SGMS2: variants seen among roughly 807,000 people sequenced by gnomAD.
SGMS2 encodes phosphatidylcholine:ceramide cholinephosphotransferase 2.
Under a neutral mutation model 43.8 loss-of-function variants are expected in SGMS2, and 21 were observed. That is an observed-to-expected ratio of 0.48 (90% CI 0.34 to 0.69). The LOEUF (loss-of-function observed/expected upper bound fraction) is 0.69. Ranked by LOEUF, SGMS2 falls within the 30% of genes least tolerant of loss-of-function variation. SGMS2 has a pLI of 0.01. For missense variants in SGMS2, 384 were observed against 443.2 expected (o/e 0.87, Z 1.20); for synonymous variants, 167 against 160.6 (o/e 1.04, Z -0.30).
At chr4:107,874,018 C>T (rs1728732849) in intron 2 of SGMS2, 1 of 152,136 alleles carries the variant, frequency 6.6e-6, no homozygotes, top group South Asian at 2.1e-4. Flanking sequence ...AAACTCATTT[C>T]TCTCTTCTGA....
At chr4:107,903,106 T>A in intron 4 of SGMS2, 127 bp from the exon 5 acceptor site, 1 of 855,190 alleles carries the variant, frequency 1.2e-6, no homozygotes, top group Non-Finnish European at 1.9e-6. Context: ...GGATTCTTTT[T>A]GACTTTCTAG....
At chr4:107,892,322 T>C (rs1186186251) in intron 2 of SGMS2, among the ~76,000 whole-genome samples, 1 of 150,492 alleles carries the variant, frequency 6.6e-6, no homozygotes, top group African/African-American at 2.4e-5. Flanking sequence ...TTCTCTGGAA[T>C]GGGTGCTTCC....
chr4:107,867,144 A>G (rs1289485679), intron 2 of SGMS2: 1 of 152,202 alleles, frequency 6.6e-6, no homozygotes, highest in Non-Finnish European at 1.5e-5. Flanking sequence ...GGCCTCCCCA[A>G]GACTCTCTGT....
chr4:107,826,375 A>T (rs1402250286), intron 1 of SGMS2, among the ~76,000 whole-genome samples: 1 of 152,238 alleles, frequency 6.6e-6, no homozygotes, highest in African/African-American at 2.4e-5. Flanking sequence ...TTGGGAAGTG[A>T]TGTTTTCAGC....
At chr4:107,852,143 G>C (rs1299759131) in intron 1 of SGMS2, among the ~76,000 whole-genome samples, 1 of 150,646 alleles carries the variant, frequency 6.6e-6, no homozygotes, top group Non-Finnish European at 1.5e-5. Context: ...ATCTCGGCTC[G>C]CTGCAAGGTC....
chr4:107,827,857 T>A (rs1725679339), intron 1 of SGMS2, among the ~76,000 whole-genome samples: 1 of 152,052 alleles, frequency 6.6e-6, no homozygotes, highest in South Asian at 2.1e-4. Context: ...ATGTTGGTGC[T>A]CGCCTGTAGT....
At chr4:107,905,483 TCCCAGG>T (rs1160513175) in intron 5 of SGMS2, among the ~76,000 whole-genome samples, 1 of 152,170 alleles carries the variant, frequency 6.6e-6, no homozygotes, top group Non-Finnish European at 1.5e-5. Flanking sequence ...TAATACTCTG[TCCCAGG>T]CACTATTCTA....
At chr4:107,880,185 C>G (rs922159433) in intron 2 of SGMS2, among the ~76,000 whole-genome samples, 2 of 151,778 alleles carry the variant, frequency 1.3e-5, no homozygotes, top group African/African-American at 4.8e-5. Flanking sequence ...TTTTTTTTTA[C>G]CAAGCCATTC....
In SGMS2 at chr4:107,908,640, T is replaced by C; in HGVS notation, c.803T>C (p.Val268Ala). The C allele has an allele frequency of 1.2e-6, 2 of 1,614,074 alleles. No homozygotes were observed. The highest frequency in any genetic ancestry group is 1.7e-6 in the Non-Finnish European group (2 of 1,179,936). Residue 268 changes from valine to alanine, a missense_variant, in exon 6 of 7, where the codon GTA becomes GCA. Val to Ala is a moderately conservative substitution (Grantham distance 64). Transcript: ENST00000690982. ...GCTGCCGGGATCATCTGCATTCTTG[T>C]AGCACACGAACACTACACTATCGAT... ...LSAAGIICIL[V>A]AHEHYTIDVI...
chr4:107,827,967 C>T (rs150635461), intron 1 of SGMS2, among the ~76,000 whole-genome samples: 28 of 152,204 alleles, frequency 1.8e-4, no homozygotes, highest in Admixed American at 1.4e-3. Flanking sequence ...GCCTGGGTGA[C>T]AGAGCTAGAC....
At chr4:107,873,131 T>A (rs754986715) in intron 2 of SGMS2, among the ~76,000 whole-genome samples, 4 of 152,216 alleles carry the variant, frequency 2.6e-5, no homozygotes, top group Non-Finnish European at 5.9e-5. Flanking sequence ...AAAATAACTT[T>A]CCAGTGTTCC....
chr4:107,885,841 C>T (rs1435680491), intron 2 of SGMS2, among the ~76,000 whole-genome samples: 1 of 152,118 alleles, frequency 6.6e-6, no homozygotes, highest in Non-Finnish European at 1.5e-5. Flanking sequence ...TGATCACTTA[C>T]TTGACTATTG....
chr4:107,844,289 A>C (rs528104784), intron 1 of SGMS2, among the ~76,000 whole-genome samples: 1 of 151,814 alleles, frequency 6.6e-6, no homozygotes, highest in East Asian at 1.9e-4. Flanking sequence ...GGGCCACTGC[A>C]CTCCAGCCTG....
rs1732163493 is a variant in SGMS2 at position 107,912,136 on chromosome 4, A to G, written c.*1583A>G. 1 of 152,168 alleles carries G rather than the reference A, an allele frequency of 6.6e-6. No individual in the cohort carries two copies. Among genetic ancestry groups the G allele is most frequent in the Admixed American group, 6.5e-5 (1 of 15,274 alleles). The allele number at this position is 152,168 out of a possible 1,614,324, so 9.4% of individuals were successfully genotyped here. ...TTGACCTTTAAGTTGCTTGAGAAAA[A>G]CACAATGCAAATCGTTCAGAAGGGT... On this transcript the variant is annotated 3_prime_UTR_variant, in exon 7 of 7. Transcript: ENST00000690982.
chr4:107,896,303 T>C (rs1730672088), intron 3 of SGMS2, among the ~76,000 whole-genome samples: 1 of 152,196 alleles, frequency 6.6e-6, no homozygotes, highest in Non-Finnish European at 1.5e-5. Context: ...GGTGCTATGG[T>C]ATTTGTATGA....
At chr4:107,904,685 T>G (rs1230610693) in intron 5 of SGMS2, among the ~76,000 whole-genome samples, 1 of 152,194 alleles carries the variant, frequency 6.6e-6, no homozygotes, top group Non-Finnish European at 1.5e-5. Flanking sequence ...GTTCTCACAC[T>G]CTTGTGGTGG....
At chr4:107,841,965 T>A (rs1034391097) in intron 1 of SGMS2, among the ~76,000 whole-genome samples, 1 of 152,164 alleles carries the variant, frequency 6.6e-6, no homozygotes, top group Non-Finnish European at 1.5e-5. Flanking sequence ...AAAAAAATTT[T>A]TTTTTAATAT....
intron 2 of SGMS2, among the ~76,000 whole-genome samples, chr4:107,879,923 C>A (rs777739209): frequency 6.6e-6 from 1 of 152,200 alleles, no homozygotes; most frequent in Non-Finnish European, 1.5e-5. Flanking sequence ...TTCCAGCCCA[C>A]TTGCAGTCAC....
At chr4:107,830,707 A>G (rs1254125865) in intron 1 of SGMS2, among the ~76,000 whole-genome samples, 1 of 151,924 alleles carries the variant, frequency 6.6e-6, no homozygotes, top group African/African-American at 2.4e-5. Flanking sequence ...GGGTTTGCCC[A>G]TTTTTTAATG....
Sources: allele counts gnomAD v4.1 joint callset (sites outside exome capture counted in the v4.1 genomes callset), GRCh38; gene constraint gnomAD v4.1.1; transcripts MANE v1.5; gene names NCBI Gene and HGNC (gene_info 2026-07-23, HGNC 2026-07-21).